Variants in DYNC1I1 observed in about 807,000 individuals in gnomAD.
The protein encoded by DYNC1I1 is dynein cytoplasmic 1 intermediate chain 1, also known as cytoplasmic dynein 1 intermediate chain 1.
In DYNC1I1, 43 loss-of-function variants were observed where a neutral mutation model predicts 86.6. That is an observed-to-expected ratio of 0.50 (90% CI 0.39 to 0.64). The LOEUF (loss-of-function observed/expected upper bound fraction) is 0.64. DYNC1I1 is among the 30% of genes least tolerant of loss of function. DYNC1I1 has a pLI of 0.00. For missense variants in DYNC1I1, 604 were observed against 788.8 expected (o/e 0.77, Z 2.81); for synonymous variants, 262 against 283.7 (o/e 0.92, Z 0.77).
intron 14 of DYNC1I1, among the ~76,000 whole-genome samples, chr7:96,063,828 T>C (rs937425175): frequency 1.3e-5 from 2 of 152,176 alleles, no homozygotes; most frequent in Non-Finnish European, 2.9e-5. Context: ...TCACAATTGA[T>C]CCTTGGTTAT....
intron 6 of DYNC1I1, among the ~76,000 whole-genome samples, chr7:95,930,586 G>T (rs146102767): frequency 6.6e-6 from 1 of 152,248 alleles, no homozygotes; most frequent in African/African-American, 2.4e-5. Flanking sequence ...GAGGTAAGCT[G>T]AAACCTCACT....
At chr7:95,805,364 T>A (rs1794678706) in intron 2 of DYNC1I1, among the ~76,000 whole-genome samples, 1 of 151,928 alleles carries the variant, frequency 6.6e-6, no homozygotes, top group Non-Finnish European at 1.5e-5. Context: ...GTATATATAT[T>A]TTTTATGGTA....
chr7:95,791,286 G>A (rs554573097), intron 1 of DYNC1I1, among the ~76,000 whole-genome samples: 1 of 152,160 alleles, frequency 6.6e-6, no homozygotes, highest in Admixed American at 6.5e-5. Context: ...ATCCTCTATC[G>A]AGAGAGAGTG....
At chr7:95,868,038 A>G (rs1790059576) in intron 5 of DYNC1I1, among the ~76,000 whole-genome samples, 1 of 152,100 alleles carries the variant, frequency 6.6e-6, no homozygotes, top group Non-Finnish European at 1.5e-5. Flanking sequence ...TTTCTGATAT[A>G]TGGTATGTGC....
downstream of DYNC1I1, among the ~76,000 whole-genome samples, chr7:96,101,374 A>G (rs1355896220): frequency 6.6e-6 from 1 of 152,120 alleles, no homozygotes; most frequent in Non-Finnish European, 1.5e-5. Flanking sequence ...CAGTTTTCCA[A>G]TCCAGAAACC....
chr7:95,977,745 AT>A, intron 7 of DYNC1I1, 144 bp downstream of exon 7: 1 of 606,668 alleles, frequency 1.6e-6, no homozygotes, highest in Non-Finnish European at 2.7e-6. Flanking sequence ...AATACATTAC[AT>A]TTAGCAACAT....
chr7:96,059,638 A>G (rs1363359883), intron 14 of DYNC1I1, among the ~76,000 whole-genome samples: 1 of 152,156 alleles, frequency 6.6e-6, no homozygotes, highest in South Asian at 2.1e-4. Context: ...CTGGAGAGTG[A>G]TGGGGGTTTG....
chr7:95,777,584 C>A (rs988670879), intron 1 of DYNC1I1, among the ~76,000 whole-genome samples: 1 of 152,144 alleles, frequency 6.6e-6, no homozygotes, highest in Non-Finnish European at 1.5e-5. Flanking sequence ...ATTATTTAAG[C>A]GCTAACAGTT....
intron 14 of DYNC1I1, among the ~76,000 whole-genome samples, chr7:96,053,213 T>C (rs1311579386): frequency 6.6e-6 from 1 of 152,238 alleles, no homozygotes; most frequent in Non-Finnish European, 1.5e-5. Context: ...ATGATTACAA[T>C]AGTCATAATA....
At chr7:95,897,609 A>G (rs1057478951) in intron 6 of DYNC1I1, among the ~76,000 whole-genome samples, 7 of 152,194 alleles carry the variant, frequency 4.6e-5, no homozygotes, top group African/African-American at 1.7e-4. Flanking sequence ...AGTGTTGATT[A>G]AACAAGATTA....
At chr7:95,825,331 G>A (rs1397097512) in intron 4 of DYNC1I1, among the ~76,000 whole-genome samples, 1 of 152,154 alleles carries the variant, frequency 6.6e-6, no homozygotes. Flanking sequence ...AGTGGAAAAG[G>A]TCACTAAAAA....
chr7:95,842,396 A>G (rs2116020664), intron 5 of DYNC1I1, among the ~76,000 whole-genome samples: 1 of 152,286 alleles, frequency 6.6e-6, no homozygotes, highest in East Asian at 1.9e-4. Flanking sequence ...CAGGAAAGTA[A>G]ACAGTTCCAG....
At chr7:95,920,949 T>C (rs1220083407) in intron 6 of DYNC1I1, among the ~76,000 whole-genome samples, 1 of 152,224 alleles carries the variant, frequency 6.6e-6, no homozygotes, top group East Asian at 1.9e-4. Flanking sequence ...AGGAGGATTC[T>C]CTGAGTAACT....
chr7:95,926,298 T>C (rs1283263629), intron 6 of DYNC1I1, among the ~76,000 whole-genome samples: 1 of 152,196 alleles, frequency 6.6e-6, no homozygotes, highest in Non-Finnish European at 1.5e-5. Context: ...ACTGGTAGAC[T>C]AGCTATATAA....
intron 6 of DYNC1I1, among the ~76,000 whole-genome samples, chr7:95,973,161 C>A (rs1476202569): frequency 3.9e-5 from 6 of 152,302 alleles, no homozygotes; most frequent in East Asian, 3.9e-4. Flanking sequence ...TACATAAATC[C>A]TTTTCTTTAA....
Position 95,930,478 on chromosome 7 carries a change from G to A in DYNC1I1, c.491-47034G>A, listed in dbSNP as rs566314439. 1.4e-4 allele frequency among the ~76,000 whole-genome samples: 21 copies of A among 152,228 alleles called. 1 individual carries two copies. The highest frequency in any genetic ancestry group is 7.2e-4 in the Admixed American group (11 of 15,300). ...GGCAACTGTCTATGTACTGTCCACC[G>A]CAGAAATGCTTTTTCCTCCCTTTTC... is the stretch of plus-strand genomic sequence containing the variant. On this transcript the variant is annotated intron_variant, in intron 6 of 16. Coordinates refer to ENST00000447467, the MANE Select transcript of DYNC1I1 (RefSeq NM_001135556.2).
intron 12 of DYNC1I1, among the ~76,000 whole-genome samples, chr7:96,034,680 C>G (rs1794891427): frequency 6.6e-6 from 1 of 152,114 alleles, no homozygotes; most frequent in Non-Finnish European, 1.5e-5. Context: ...TGATGTGCAC[C>G]CTATGTGTGG....
chr7:95,839,857 G>A (rs1789231848), intron 5 of DYNC1I1, among the ~76,000 whole-genome samples: 1 of 151,740 alleles, frequency 6.6e-6, no homozygotes, highest in Admixed American at 6.6e-5. Context: ...TTGATTGGCA[G>A]GTTTTTTTTT....
chr7:96,075,930 C>T, intron 14 of DYNC1I1, 127 bp from the exon 15 acceptor site: 1 of 1,318,244 alleles, frequency 7.6e-7, no homozygotes, highest in Non-Finnish European at 1.0e-6. Flanking sequence ...GGTTCACCTT[C>T]TCGAGGACTT....
Sources: allele counts gnomAD v4.1 joint callset (sites outside exome capture counted in the v4.1 genomes callset), GRCh38; gene constraint gnomAD v4.1.1; transcripts MANE v1.5; gene names NCBI Gene and HGNC (gene_info 2026-07-23, HGNC 2026-07-21).